Variants in DMPK observed in about 807,000 individuals in gnomAD.
DMPK encodes the protein DM1 protein kinase.
In DMPK, 32 loss-of-function variants were observed where a neutral mutation model predicts 70.3. The ratio of observed to expected loss-of-function variants is 0.46; its 90% CI spans 0.34 to 0.61. The LOEUF (loss-of-function observed/expected upper bound fraction) is 0.61, where lower values mean the gene tolerates loss of function less well. Ranked by LOEUF, DMPK falls within the 20% of genes least tolerant of loss-of-function variation. The pLI is 0.01. For missense variants in DMPK, 899 were observed against 886.0 expected, an observed-to-expected ratio of 1.01 and a Z score of -0.19; for synonymous variants, 469 against 390.9, an observed-to-expected ratio of 1.20 and a Z score of -2.36.
intron 1 of DMPK, chr19:45,780,648 A>G (rs1387986283): frequency 1.3e-5 from 13 of 998,492 alleles, no homozygotes; most frequent in Middle Eastern, 4.6e-4. Flanking sequence ...CGGGGGTGGA[A>G]GAAGTGGAGG....
chr19:45,777,328 C>A lies in DMPK; in HGVS notation c.1145G>T (p.Gly382Val), dbSNP rs149274125. 2.7e-5 allele frequency: 42 copies of A among 1,566,196 alleles called. No individual in the cohort carries two copies. The African/African-American group carries it at 5.3e-4, about 20-fold the overall frequency. Residue 382 changes from glycine to valine, a missense_variant and splice_region_variant, in exon 8 of 15, where the codon GGG becomes GTG. Physicochemically the swap from Gly to Val is moderately radical, Grantham distance 109 (BLOSUM62 -3). Around this residue, in one of 3 missense-constraint regions of DMPK, gnomAD observed 555 missense variants for 483.8 expected, o/e 1.15. Coordinates refer to ENST00000291270, the MANE Select transcript of DMPK (RefSeq NM_004409.5). This position sits in a 1 kb window ranked among gnomAD's most constrained non-coding sequence, Gnocchi z 6.7. ...CGAGCAGGGGCCACAGGTACCTACC[C>A]CGCCCCCGCTCACCATGGCAGTGAG... is the stretch of plus-strand genomic sequence containing the variant. ...DGLTAMVSGG[G>V]ETLSDIREGA...
At chr19:45,779,154 G>C in intron 4 of DMPK, 110 bp downstream of exon 4, 7 of 1,105,420 alleles carry the variant, frequency 6.3e-6, no homozygotes, top group Non-Finnish European at 9.6e-6. Flanking sequence ...CTTTCCCACA[G>C]ACGTTTCCGG....
At position 45,782,303 on chromosome 19, in the gene DMPK, G is replaced by C; in HGVS notation, c.50C>G (p.Pro17Arg). The C allele has an allele frequency of 6.3e-7, 1 of 1,593,366 alleles. No homozygotes were observed. The highest frequency in any genetic ancestry group is 8.5e-7 in the Non-Finnish European group (1 of 1,171,104). Residue 17 changes from proline (P) to arginine (R), a missense_variant, in exon 1 of 15, where the codon CCG becomes CGG. Physicochemically the swap from Pro to Arg is moderately radical, Grantham distance 103. Around this residue, in one of 3 missense-constraint regions of DMPK, gnomAD observed 149 missense variants for 142.5 expected, o/e 1.05. Coordinates refer to ENST00000291270, the MANE Select transcript of DMPK (RefSeq NM_004409.5). Reference protein sequence around the residue: ...LRRLQQLVLDPGFLGLEPLLD... With the variant: ...LRRLQQLVLDRGFLGLEPLLD... ...CAGGGGCTCCAGCCCCAGGAAGCCCGGGTCCAACACCAGCTGCTGGAGCCG... is the reference window on the plus strand; with the variant it reads ...CAGGGGCTCCAGCCCCAGGAAGCCCCGGTCCAACACCAGCTGCTGGAGCCG...
At chr19:45,773,768 G>C (rs908221951) in intron 9 of DMPK, among the ~76,000 whole-genome samples, 1 of 152,214 alleles carries the variant, frequency 6.6e-6, no homozygotes, top group African/African-American at 2.4e-5. Flanking sequence ...AGACTCCTGA[G>C]TAGCTAGGAC....
chr19:45,770,374 G>C lies in DMPK; in HGVS notation c.*114C>G. On this transcript the variant is annotated 3_prime_UTR_variant, in exon 15 of 15. Coordinates refer to ENST00000291270, the MANE Select transcript of DMPK (RefSeq NM_004409.5). ...CGGATCACAGGACTGGAGCTGGGCG[G>C]AGACCCACGCTCGGAGCGGTTGTGA... 7.4e-7 allele frequency: 1 copy of C among 1,356,992 alleles called. No individual in the cohort carries two copies. Among genetic ancestry groups the C allele is most frequent in the Non-Finnish European group, 1.0e-6 (1 of 975,116 alleles). The allele number at this position is 1,356,992 out of a possible 1,614,324, so 84.1% of individuals were successfully genotyped here.
In DMPK at chr19:45,779,420, C is replaced by A; in HGVS notation, c.336+19G>T. Reference sequence around the variant, plus strand: ...GGGCGCGGATCCTCAAAGCCCCCCACGTCCGCCCAGCCCCTCACCTCGCCC... The same window carrying A: ...GGGCGCGGATCCTCAAAGCCCCCCAAGTCCGCCCAGCCCCTCACCTCGCCC... On this transcript the variant is annotated intron_variant, in intron 3 of 14. Transcript: ENST00000291270. 1.2e-6 allele frequency: 2 copies of A among 1,613,932 alleles called. No individual in the cohort carries two copies. Among genetic ancestry groups the A allele is most frequent in the Non-Finnish European group, 1.7e-6 (2 of 1,179,964 alleles).
intron 4 of DMPK, 162 bp from the exon 5 acceptor site, chr19:45,778,803 A>ACCTGCGG: frequency 1.4e-6 from 1 of 714,320 alleles, no homozygotes; most frequent in Non-Finnish European, 2.2e-6. Context: ...ATCAGAGACC[A>ACCTGCGG]CCTGCGGCCC....
chr19:45,780,429 T>C (rs780653085), intron 1 of DMPK: 2 of 1,334,396 alleles, frequency 1.5e-6, no homozygotes, highest in East Asian at 4.2e-5. Flanking sequence ...TGGTCACATA[T>C]CCCAGACTCA....
rs1213294539 is a variant in DMPK at position 45,782,390 on chromosome 19, G to A, written c.-38C>T. The stretch of plus-strand genomic sequence containing the variant: ...GCACCATGGCCCCTCCCCGGGCCGG[G>A]GGCTCGGGGTCCTCCTGTCACAGGG... On this transcript the variant is annotated 5_prime_UTR_variant, in exon 1 of 15. Coordinates refer to ENST00000291270, the MANE Select transcript of DMPK (RefSeq NM_004409.5). 1.3e-6 allele frequency: 2 copies of A among 1,512,096 alleles called. No homozygotes were observed. The highest frequency in any genetic ancestry group is 1.8e-6 in the Non-Finnish European group (2 of 1,129,588). The allele number at this position is 1,512,096 out of a possible 1,614,324, so 93.7% of individuals were successfully genotyped here. A position where few individuals can be genotyped will look rare whatever the true frequency, so the allele number is the denominator to read the frequency against.
intron 8 of DMPK, chr19:45,775,376 C>T (rs773525720): frequency 6.4e-5 from 15 of 234,494 alleles, no homozygotes; most frequent in Admixed American, 1.6e-4. Flanking sequence ...GCCACGCTGG[C>T]CAGGCTGGTC....
Position 45,779,505 on chromosome 19 carries a change from C to A in DMPK, c.270G>T (p.Met90Ile). The A allele has an allele frequency of 6.2e-7, 1 of 1,613,950 alleles. No homozygotes were observed. The change falls in exon 3 of 15, where the codon ATG (methionine) becomes ATT (isoleucine). Residue 90 changes from methionine (M) to isoleucine (I), a missense_variant. Coordinates refer to ENST00000291270, the MANE Select transcript of DMPK (RefSeq NM_004409.5). ...TGGCATACACCTGGCCCGTCTGCTT[C>A]ATCTTCACTACCGCTACCTGAGGTC... ...GAFSEVAVVK[M>I]KQTGQVYAMK...
At chr19:45,780,191 G>GA in intron 1 of DMPK, 3 of 1,454,050 alleles carry the variant, frequency 2.1e-6, no homozygotes, top group Non-Finnish European at 9.0e-7. Context: ...AGGGGAGAAG[G>GA]AAATAAGACC....
rs780860038 is a variant in DMPK, at chr19:45,777,877, G to A, written c.676-4C>T. 9.3e-6 allele frequency: 15 copies of A among 1,605,464 alleles called. No individual in the cohort carries two copies. The highest frequency in any genetic ancestry group is 1.2e-5 in the Non-Finnish European group (14 of 1,178,388). On this transcript the variant is annotated splice_polypyrimidine_tract_variant and splice_region_variant and intron_variant, in intron 6 of 14. Transcript: ENST00000291270. The surrounding 1 kb of genome is among the most constrained non-coding windows in gnomAD (Gnocchi z 6.7). ...CCACAGCCACCAGCGACCGCACCTG[G>A]ACCAAAAGGAGCAGAGCGAGGCTTG...
intron 9 of DMPK, among the ~76,000 whole-genome samples, chr19:45,773,207 G>A (rs910372999): frequency 6.6e-6 from 1 of 152,186 alleles, no homozygotes; most frequent in Non-Finnish European, 1.5e-5. Flanking sequence ...CCACTCAGCT[G>A]TGGGAAGGGG....
At chr19:45,780,185 G>A (rs951453429) in intron 1 of DMPK, 3 of 1,448,818 alleles carry the variant, frequency 2.1e-6, no homozygotes, top group Non-Finnish European at 2.7e-6. Context: ...AGAACAAGGG[G>A]AGAAGGAAAT....
At chr19:45,772,603 A>G (rs1248781527) in intron 10 of DMPK, 38 bp downstream of exon 10, 5 of 1,404,718 alleles carry the variant, frequency 3.6e-6, no homozygotes, top group Non-Finnish European at 4.9e-6. Flanking sequence ...TTCTCTCCCA[A>G]TTGTCCCTGA....
chr19:45,770,503 G>A lies in DMPK; in HGVS notation c.1875C>T (p.Ala625=), dbSNP rs1252251304. 2 of 1,550,208 alleles carry A rather than the reference G, an allele frequency of 1.3e-6. No individual in the cohort carries two copies. Among genetic ancestry groups the A allele is most frequent in the African/African-American group, 1.4e-5 (1 of 73,022 alleles). ...QLTAVWRRPG[A]ARAP ...GTTCTAGGGTTCAGGGAGCGCGGGC[G>A]GCTCCTGGGCGGCGCCAGACTGCGG... Residue 625 remains alanine, a synonymous_variant, in exon 15 of 15, where the codon GCC becomes GCT. Coordinates refer to ENST00000291270, the MANE Select transcript of DMPK (RefSeq NM_004409.5).
rs1254420873 is a variant in DMPK at position 45,777,761 on chromosome 19, G to A, written c.788C>T (p.Ala263Val). 4.3e-6 allele frequency: 7 copies of A among 1,613,154 alleles called. No homozygotes were observed. Among genetic ancestry groups the A allele is most frequent in the Non-Finnish European group, 5.9e-6 (7 of 1,180,030 alleles). ...GSYGPECDWW[A>V]LGVFAYEMFY... ...CATTTCATAGGCGAATACACCCAGC[G>A]CCCACCAGTCACACTCGGGCCCGTA... The change falls in exon 7 of 15, where the codon GCG (alanine) becomes GTG (valine). Residue 263 changes from alanine (A) to valine (V), a missense_variant. By Grantham distance (64) the Ala-to-Val change is moderately conservative. Transcript: ENST00000291270. This position sits in a 1 kb window ranked among gnomAD's most constrained non-coding sequence, Gnocchi z 6.7.
intron 1 of DMPK, 44 bp downstream of exon 1, chr19:45,782,149 C>A: frequency 1.0e-6 from 1 of 969,866 alleles, no homozygotes; most frequent in South Asian, 2.2e-5. Flanking sequence ...GTCTCCTGCC[C>A]CACCCCCACC....
Sources: gnomAD v4.1 joint callset for allele counts (sites outside exome capture counted in the v4.1 genomes callset) on GRCh38, gnomAD v4.1.1 for gene constraint, gnomAD v4.1.1 regional missense constraint, Gnocchi (gnomAD v3.1) non-coding constraint, MANE v1.5 for transcripts, NCBI Gene and HGNC (gene_info 2026-07-23, HGNC 2026-07-21) for gene names.